TLE1: variants seen among roughly 807,000 people sequenced by gnomAD.
TLE1 encodes transducin-like enhancer protein 1.
In TLE1, 21 loss-of-function variants were observed where a neutral mutation model predicts 89.8. The ratio of observed to expected loss-of-function variants is 0.23; its 90% confidence interval spans 0.17 to 0.34. The LOEUF (loss-of-function observed/expected upper bound fraction) is 0.34. Among genes scored for constraint, TLE1 ranks in the 10% least tolerant of loss-of-function variants. TLE1 has a pLI of 1.00. For synonymous variants in TLE1, 447 were observed against 407.6 expected, an observed-to-expected ratio of 1.10 and a Z score of -1.16; for missense variants, 795 against 1,031.2, an observed-to-expected ratio of 0.77 and a Z score of 3.14.
At chr9:81,600,628 CAAAA>C (rs35107385) in intron 14 of TLE1, among the ~76,000 whole-genome samples, 110 of 135,758 alleles carry the variant, frequency 8.1e-4, no homozygotes, top group Non-Finnish European at 1.5e-3. Context: ...TTTAATAGAC[CAAAA>C]AAAAAAAAAA....
intron 4 of TLE1, among the ~76,000 whole-genome samples, chr9:81,680,537 G>T (rs1321105733): frequency 6.6e-6 from 1 of 152,126 alleles, no homozygotes; most frequent in African/African-American, 2.4e-5. Flanking sequence ...CATGCCCAGG[G>T]ACTCCCTTGC....
chr9:81,642,977 T>A (rs899069400), intron 6 of TLE1, among the ~76,000 whole-genome samples: 2 of 152,130 alleles, frequency 1.3e-5, no homozygotes, highest in African/African-American at 4.8e-5. Flanking sequence ...ATAAGCAGAT[T>A]CAGAAAGACA....
chr9:81,682,376 G>A (rs1394533387), intron 4 of TLE1, among the ~76,000 whole-genome samples: 1 of 152,104 alleles, frequency 6.6e-6, no homozygotes, highest in Non-Finnish European at 1.5e-5. Context: ...CACAGCTGTA[G>A]GCAGAGCAAA....
intron 9 of TLE1, among the ~76,000 whole-genome samples, chr9:81,617,133 CAAA>C (rs56692367): frequency 0.19 from 23,932 of 124,274 alleles, 3,381 homozygotes; most frequent in East Asian, 0.56. Flanking sequence ...CTAGTTAATG[CAAA>C]AAAAAAAAAA....
chr9:81,611,891 C>T lies in TLE1; in HGVS notation c.1132G>A (p.Ala378Thr), dbSNP rs747888432. 36 of 1,537,724 alleles carry T rather than the reference C, an allele frequency of 2.3e-5. No homozygotes were observed. Among genetic ancestry groups the T allele is most frequent in the South Asian group, 2.3e-4 (19 of 81,644 alleles). ...CTGGTCAGCTCGCCGTTCATGCCAG[C>T]GTGGGGGACCATCCCAAAAGGAGCA... ...YPAPFGMVPH[A>T]GMNGELTSPG... The change falls in exon 13 of 20, where the codon GCT becomes ACT. Residue 378 changes from alanine (A) to threonine (T), a missense_variant. By Grantham distance (58) the Ala-to-Thr change is moderately conservative. Transcript: ENST00000376499.
intron 10 of TLE1, among the ~76,000 whole-genome samples, 169 bp from the exon 11 acceptor site, chr9:81,616,303 A>G (rs1364636999): frequency 6.6e-6 from 1 of 151,946 alleles, no homozygotes; most frequent in Non-Finnish European, 1.5e-5. Flanking sequence ...GTCGGCAAAC[A>G]TACCTGCAAA....
At chr9:81,591,124 G>C in intron 15 of TLE1, 72 bp from the exon 16 acceptor site, 3 of 1,554,488 alleles carry the variant, frequency 1.9e-6, no homozygotes, top group Non-Finnish European at 1.7e-6. Flanking sequence ...TCTAATGGCT[G>C]TCTTGGTTTT....
intron 15 of TLE1, 49 bp from the exon 16 acceptor site, chr9:81,591,101 T>C (rs768181198): frequency 1.5e-5 from 24 of 1,584,532 alleles, no homozygotes; most frequent in Non-Finnish European, 1.8e-5. Flanking sequence ...CGAGCAATCA[T>C]AGCACCATGT....
chr9:81,587,597 G>A, intron 17 of TLE1, 84 bp downstream of exon 17: 1 of 1,461,564 alleles, frequency 6.8e-7, no homozygotes, highest in Non-Finnish European at 9.1e-7. Flanking sequence ...TACCATCCTA[G>A]GGTAAAGGAG....
intron 6 of TLE1, among the ~76,000 whole-genome samples, chr9:81,636,520 AAAG>A (rs1827385031): frequency 1.3e-5 from 2 of 152,196 alleles, no homozygotes; most frequent in South Asian, 2.1e-4. Flanking sequence ...GCACTAATTA[AAAG>A]AAGATGAGAG....
chr9:81,676,904 A>G (rs760403527), intron 4 of TLE1, among the ~76,000 whole-genome samples: 1 of 152,228 alleles, frequency 6.6e-6, no homozygotes, highest in Non-Finnish European at 1.5e-5. Flanking sequence ...ATTTATTTTA[A>G]ATGTATACAA....
chr9:81,600,781 T>C (rs1830810701), intron 14 of TLE1, among the ~76,000 whole-genome samples: 1 of 152,136 alleles, frequency 6.6e-6, no homozygotes, highest in African/African-American at 2.4e-5. Flanking sequence ...AGCATTTGAA[T>C]AGGTAACCTG....
At chr9:81,596,681 A>C (rs931141735) in intron 14 of TLE1, among the ~76,000 whole-genome samples, 2 of 152,194 alleles carry the variant, frequency 1.3e-5, no homozygotes, top group African/African-American at 4.8e-5. Context: ...GATACAAAAT[A>C]ATGGACATGG....
intron 14 of TLE1, among the ~76,000 whole-genome samples, chr9:81,596,539 T>G (rs1447749946): frequency 6.6e-6 from 1 of 152,072 alleles, no homozygotes; most frequent in African/African-American, 2.4e-5. Context: ...GGTGAAGGGA[T>G]CCCAGAAGGA....
intron 6 of TLE1, among the ~76,000 whole-genome samples, chr9:81,650,027 C>T (rs1829349246): frequency 6.6e-6 from 1 of 152,176 alleles, no homozygotes; most frequent in Admixed American, 6.5e-5. Flanking sequence ...ATGCCCAAGA[C>T]ACACAATGGG....
At chr9:81,684,148 TAAAAAA>T (rs202210085) in intron 4 of TLE1, among the ~76,000 whole-genome samples, 1 of 138,768 alleles carries the variant, frequency 7.2e-6, no homozygotes. Context: ...CAGAGTAAAT[TAAAAAA>T]AAAAAAAAAG....
intron 8 of TLE1, among the ~76,000 whole-genome samples, chr9:81,628,611 T>C (rs1196191214): frequency 6.6e-6 from 1 of 151,910 alleles, no homozygotes; most frequent in Non-Finnish European, 1.5e-5. Flanking sequence ...TAGAGAAGAG[T>C]AACAAAAGAA....
chr9:81,608,747 A>G (rs1823302297), intron 14 of TLE1, among the ~76,000 whole-genome samples: 1 of 151,862 alleles, frequency 6.6e-6, no homozygotes, highest in South Asian at 2.1e-4. Context: ...AACCAGCCTG[A>G]CCAATATGAT....
chr9:81,603,821 G>T (rs1831275473), intron 14 of TLE1, among the ~76,000 whole-genome samples: 1 of 152,124 alleles, frequency 6.6e-6, no homozygotes, highest in Non-Finnish European at 1.5e-5. Flanking sequence ...GGCCAACATG[G>T]TGAAACCCTG....
Sources: allele counts gnomAD v4.1 joint callset (sites outside exome capture counted in the v4.1 genomes callset), GRCh38; gene constraint gnomAD v4.1.1; transcripts MANE v1.5; gene names NCBI Gene and HGNC (gene_info 2026-07-23, HGNC 2026-07-21).